DHX57: variants seen among roughly 807,000 people sequenced by gnomAD.
The protein encoded by DHX57 is DExH-box helicase 57.
A neutral mutation model predicts 156.2 loss-of-function variants in DHX57; 105 were observed. The ratio of observed to expected loss-of-function variants is 0.67; its 90% CI spans 0.57 to 0.79. DHX57 has a LOEUF of 0.79. Among genes scored for constraint, DHX57 ranks in the 30% least tolerant of loss-of-function variants. The probability of loss-of-function intolerance (pLI) is 0.00; values close to 1 mark genes in which losing one functional copy is unlikely to be tolerated. For synonymous variants in DHX57, 704 were observed against 595.6 expected, an observed-to-expected ratio of 1.18 and a Z score of -2.65; for missense variants, 1,847 against 1,661.9, an observed-to-expected ratio of 1.11 and a Z score of -1.94.
intron 9 of DHX57, chr2:38,853,828 C>A (rs1181653998): frequency 5.8e-6 from 2 of 344,558 alleles, no homozygotes; most frequent in Non-Finnish European, 5.4e-6. Context: ...TACCTTCTAA[C>A]CTAACAGGAT....
At chr2:38,855,690 T>C (rs1483882425) in intron 7 of DHX57, among the ~76,000 whole-genome samples, 1 of 152,202 alleles carries the variant, frequency 6.6e-6, no homozygotes, top group Admixed American at 6.5e-5. Context: ...GACACAAATA[T>C]AATTATTAAA....
intron 21 of DHX57, among the ~76,000 whole-genome samples, chr2:38,812,403 A>T (rs1466293848): frequency 2.0e-5 from 3 of 152,236 alleles, no homozygotes; most frequent in Non-Finnish European, 4.4e-5. Context: ...TATTCTGCCA[A>T]ATTGAAACTC....
rs1665589532 is a variant in DHX57, at chr2:38,875,820, CG to C, written c.-41del. ...CAGAGTTGGGTCCCGAGCCGGCTGT[CG>C]GGAGGTGCTGCCCAAGGGTCAGAGG... is the stretch of plus-strand genomic sequence containing the variant. On this transcript the variant is annotated 5_prime_UTR_variant, in exon 1 of 24. Coordinates refer to ENST00000457308, the MANE Select transcript of DHX57 (RefSeq NM_198963.3). The C allele has an allele frequency of 5.1e-6, 2 of 388,808 alleles. No individual in the cohort carries two copies. Among genetic ancestry groups the C allele is most frequent in the Admixed American group, 8.9e-5 (2 of 22,406 alleles). The allele number at this position is 388,808 out of a possible 1,614,324, so 24.1% of individuals were successfully genotyped here. A position where few individuals can be genotyped will look rare whatever the true frequency, so the allele number is the denominator to read the frequency against.
intron 22 of DHX57, among the ~76,000 whole-genome samples, chr2:38,804,320 G>A (rs368208173): frequency 1.4e-3 from 211 of 152,066 alleles, no homozygotes; most frequent in African/African-American, 3.8e-3. Flanking sequence ...GTGAGACCCC[G>A]TCTCTACAAA....
intron 5 of DHX57, among the ~76,000 whole-genome samples, chr2:38,860,771 C>T (rs1314760189): frequency 6.6e-6 from 1 of 152,222 alleles, no homozygotes; most frequent in African/African-American, 2.4e-5. Flanking sequence ...TACGTCACTA[C>T]AAACTTTCAA....
At chr2:38,862,597 C>CTT (rs1224828659) in intron 3 of DHX57, 709 of 179,258 alleles carry the variant, frequency 4.0e-3, no homozygotes, top group East Asian at 5.6e-3. Context: ...CTGGAATGTC[C>CTT]TTTTTTTTTT....
chr2:38,862,041 G>A, intron 4 of DHX57, 104 bp downstream of exon 4: 1 of 1,351,732 alleles, frequency 7.4e-7, no homozygotes, highest in Non-Finnish European at 9.9e-7. Context: ...AGGCATTGCT[G>A]GAACCCACAT....
At chr2:38,818,736 T>A in intron 19 of DHX57, 141 bp downstream of exon 19, 3 of 915,030 alleles carry the variant, frequency 3.3e-6, no homozygotes, top group Non-Finnish European at 4.9e-6. Context: ...CGGGAGTCCA[T>A]TTTACACGGC....
intron 6 of DHX57, among the ~76,000 whole-genome samples, chr2:38,857,887 T>C (rs1249655848): frequency 6.6e-6 from 1 of 152,164 alleles, no homozygotes; most frequent in African/African-American, 2.4e-5. Flanking sequence ...ATTAATTTTT[T>C]CTAAGGTAAA....
rs1673268752 is a variant in DHX57, at chr2:38,862,243, A to G, written c.474T>C (p.Val158=). 3 of 1,613,992 alleles carry G rather than the reference A, an allele frequency of 1.9e-6. No homozygotes were observed. The highest frequency in any genetic ancestry group is 2.7e-5 in the African/African-American group (2 of 75,052). ...YWPAGQEPSL[V]PDLDPLEYAG... ...CATATTCCAAAGGATCCAAGTCGGG[A>G]ACGAGGGAAGGTTCCTGTCCAGCTG... The change falls in exon 4 of 24, where the codon GTT becomes GTC. Residue 158 remains valine, a synonymous_variant. Coordinates refer to ENST00000457308, the MANE Select transcript of DHX57 (RefSeq NM_198963.3).
intron 5 of DHX57, among the ~76,000 whole-genome samples, chr2:38,860,148 G>C (rs1426112358): frequency 6.6e-6 from 1 of 151,786 alleles, no homozygotes; most frequent in African/African-American, 2.4e-5. Context: ...CTTACTTGTG[G>C]TGTAAGAATC....
chr2:38,860,999 C>A lies in DHX57; in HGVS notation c.1411G>T (p.Val471Phe). 1 of 1,611,332 alleles carries A rather than the reference C, an allele frequency of 6.2e-7. No individual in the cohort carries two copies. The highest frequency in any genetic ancestry group is 8.5e-7 in the Non-Finnish European group (1 of 1,178,270). ...TCCACAAGATCAATGCCTTACATAC[C>A]TTCTGGAATTTGATTAGAAACAAAA... The part of the protein sequence containing the change: ...NSFVSNQIPE[V>F]EKASESEESD... The change falls in exon 5 of 24, where the codon GTT becomes TTT. Residue 471 changes from valine (V) to phenylalanine (F), a missense_variant and splice_region_variant. Coordinates refer to ENST00000457308, the MANE Select transcript of DHX57 (RefSeq NM_198963.3).
At chr2:38,849,097 TACAA>T (rs1226316357) in intron 9 of DHX57, among the ~76,000 whole-genome samples, 1 of 152,208 alleles carries the variant, frequency 6.6e-6, no homozygotes, top group Non-Finnish European at 1.5e-5. Context: ...AAGAGGCACA[TACAA>T]AGATTTTCAT....
At chr2:38,801,828 C>T (rs1669699369) in intron 23 of DHX57, among the ~76,000 whole-genome samples, 1 of 152,092 alleles carries the variant, frequency 6.6e-6, no homozygotes, top group Non-Finnish European at 1.5e-5. Context: ...AACTCCTGAC[C>T]TCAGGTGATC....
At chr2:38,838,096 C>G in intron 12 of DHX57, 149 bp from the exon 13 acceptor site, 1 of 614,438 alleles carries the variant, frequency 1.6e-6, no homozygotes, top group Non-Finnish European at 2.9e-6. Flanking sequence ...CTGAAATGAA[C>G]TTTTTTCTTT....
chr2:38,810,939 G>T (rs889494474), intron 21 of DHX57: 9 of 835,970 alleles, frequency 1.1e-5, no homozygotes, highest in African/African-American at 1.7e-5. Flanking sequence ...GCACCAAGGA[G>T]GTCTGGTGGG....
chr2:38,812,422 A>G (rs542244062), intron 21 of DHX57, among the ~76,000 whole-genome samples: 24 of 152,324 alleles, frequency 1.6e-4, no homozygotes, highest in African/African-American at 5.3e-4. Flanking sequence ...TCTCTGGGGG[A>G]AAATGGTGCC....
rs35371077 is a variant in DHX57 at position 38,861,113 on chromosome 2, T to C, written c.1297A>G (p.Ser433Gly). 2.2e-3 allele frequency: 3,619 copies of C among 1,614,224 alleles called. 69 individuals carry two copies. The African/African-American group carries it at 0.043, about 19-fold the overall frequency. The change falls in exon 5 of 24, where the codon AGT becomes GGT. Residue 433 changes from serine (S) to glycine (G), a missense_variant. Physicochemically the swap from Ser to Gly is moderately conservative, Grantham distance 56. Coordinates refer to ENST00000457308, the MANE Select transcript of DHX57 (RefSeq NM_198963.3). Reference protein sequence around the residue: ...KLLTNTHHKYSDPPVNFLPVP... With the variant: ...KLLTNTHHKYGDPPVNFLPVP... ...GGCAGAAAGTTCACAGGAGGGTCAC[T>C]ATACTTGTGGTGGGTATTCGTTAGT...
At chr2:38,809,394 C>T (rs747965683) in intron 21 of DHX57, among the ~76,000 whole-genome samples, 1 of 151,490 alleles carries the variant, frequency 6.6e-6, no homozygotes, top group African/African-American at 2.4e-5. Flanking sequence ...CAAAGTGCCA[C>T]GAGCCACTAT....
Sources: gnomAD v4.1 joint callset for allele counts (sites outside exome capture counted in the v4.1 genomes callset) on GRCh38, gnomAD v4.1.1 for gene constraint, MANE v1.5 for transcripts, NCBI Gene and HGNC (gene_info 2026-07-23, HGNC 2026-07-21) for gene names.